The following ULK4 variants were observed in gnomAD, a reference collection of about 807,000 sequenced individuals.
ULK4 encodes the protein unc-51 like kinase 4.
Under a neutral mutation model 160.6 loss-of-function variants are expected in ULK4, and 133 were observed. The ratio of observed to expected loss-of-function variants is 0.83; its 90% CI spans 0.72 to 0.96. ULK4 has a LOEUF of 0.96. Among genes scored for constraint, ULK4 ranks in the 40% least tolerant of loss-of-function variants. ULK4 has a pLI of 0.00. For missense variants in ULK4, 1,580 were observed against 1,499.5 expected, an observed-to-expected ratio of 1.05 and a Z score of -0.89; for synonymous variants, 534 against 539.8, an observed-to-expected ratio of 0.99 and a Z score of 0.15.
intron 30 of ULK4, among the ~76,000 whole-genome samples, chr3:41,623,305 A>T (rs1011745891): frequency 6.6e-6 from 1 of 152,212 alleles, no homozygotes; most frequent in Admixed American, 6.5e-5. Flanking sequence ...TAACCAAAAA[A>T]GATCACAGTG....
At chr3:41,697,523 G>C (rs1253766569) in intron 27 of ULK4, among the ~76,000 whole-genome samples, 1 of 152,124 alleles carries the variant, frequency 6.6e-6, no homozygotes, top group Non-Finnish European at 1.5e-5. Context: ...CATTACAAAA[G>C]AGTCAAAAAG....
chr3:41,446,250 A>G (rs1197676007), intron 34 of ULK4, among the ~76,000 whole-genome samples: 3 of 152,174 alleles, frequency 2.0e-5, no homozygotes, highest in African/African-American at 7.2e-5. Flanking sequence ...GGATGTGGAG[A>G]AATAGGAACA....
intron 30 of ULK4, among the ~76,000 whole-genome samples, chr3:41,622,081 G>T (rs949680826): frequency 3.3e-5 from 5 of 152,156 alleles, no homozygotes; most frequent in Non-Finnish European, 7.3e-5. Flanking sequence ...AAGCCAGTTG[G>T]AATGGCAATT....
intron 17 of ULK4, among the ~76,000 whole-genome samples, chr3:41,880,128 T>A (rs1328632032): frequency 6.6e-6 from 1 of 152,026 alleles, no homozygotes; most frequent in Non-Finnish European, 1.5e-5. Context: ...ACAAAAAAAA[T>A]TCCTTTCAGT....
chr3:41,702,039 G>C (rs1167939434), intron 27 of ULK4, among the ~76,000 whole-genome samples: 1 of 152,102 alleles, frequency 6.6e-6, no homozygotes. Flanking sequence ...GAATATAGTA[G>C]AATGAAATCC....
At chr3:41,369,783 G>C (rs1467845836) in intron 35 of ULK4, among the ~76,000 whole-genome samples, 1 of 133,870 alleles carries the variant, frequency 7.5e-6, no homozygotes, top group African/African-American at 2.9e-5. Context: ...GACAGAGTGA[G>C]ACTATGTCTC....
At chr3:41,591,349 A>T (rs2031289484) in intron 31 of ULK4, among the ~76,000 whole-genome samples, 1 of 152,204 alleles carries the variant, frequency 6.6e-6, no homozygotes, top group African/African-American at 2.4e-5. Flanking sequence ...AGGGTAGGGA[A>T]AGTTTTTCAG....
intron 34 of ULK4, among the ~76,000 whole-genome samples, chr3:41,427,095 T>C (rs560407710): frequency 6.6e-6 from 1 of 152,028 alleles, no homozygotes; most frequent in East Asian, 1.9e-4. Flanking sequence ...CCACTGACCC[T>C]AAAGAAACAT....
chr3:41,909,758 T>C (rs1316436504), intron 11 of ULK4, among the ~76,000 whole-genome samples: 2 of 152,044 alleles, frequency 1.3e-5, no homozygotes, highest in Non-Finnish European at 2.9e-5. Flanking sequence ...ATGTGTAAAA[T>C]GTATATAGAT....
At position 41,839,067 on chromosome 3, in the gene ULK4, C is replaced by T. The variant is rs1033707358; in HGVS notation, c.1657-3096G>A. 5.8e-4 allele frequency among the ~76,000 whole-genome samples: 89 copies of T among 152,214 alleles called. 2 individuals are homozygous for T. Among genetic ancestry groups the T allele is most frequent in the Non-Finnish European group, 1.2e-4 (8 of 68,018 alleles). ...ACAATTGCTGAAAGAGTAGATTTTA[C>T]GGCCAGGCAAGGTGGCTCATTCCTG... On this transcript the variant is annotated intron_variant, in intron 17 of 36. Coordinates refer to ENST00000301831, the MANE Select transcript of ULK4 (RefSeq NM_017886.4).
intron 22 of ULK4, among the ~76,000 whole-genome samples, chr3:41,751,476 T>C (rs2038624831): frequency 6.6e-6 from 1 of 152,014 alleles, no homozygotes; most frequent in Non-Finnish European, 1.5e-5. Flanking sequence ...CTAAGGTCAC[T>C]TTCCAGACCC....
chr3:41,518,928 A>C (rs1427692630), intron 32 of ULK4, among the ~76,000 whole-genome samples: 1 of 152,212 alleles, frequency 6.6e-6, no homozygotes, highest in East Asian at 1.9e-4. Context: ...CATTACATTA[A>C]CTTCTCTGCT....
chr3:41,361,579 A>G (rs1221016350), intron 35 of ULK4, among the ~76,000 whole-genome samples: 1 of 152,166 alleles, frequency 6.6e-6, no homozygotes, highest in East Asian at 1.9e-4. Flanking sequence ...TCATTTGGAG[A>G]TTATTTTATA....
At chr3:41,821,542 T>C (rs1311236370) in intron 18 of ULK4, among the ~76,000 whole-genome samples, 3 of 152,220 alleles carry the variant, frequency 2.0e-5, no homozygotes, top group African/African-American at 7.2e-5. Flanking sequence ...CCTCCATTCC[T>C]GTCCCTCCAC....
rs574385056 is a variant in ULK4, at chr3:41,693,438, G to C, written c.2781+11619C>G. 1.4e-4 allele frequency among the ~76,000 whole-genome samples: 21 copies of C among 152,234 alleles called. No individual in the cohort carries two copies. In the South Asian group the frequency reaches 3.7e-3, roughly 27 times the overall value. ...TTACAAATATTAGCAACTACCTAGT[G>C]GGCCAAACATTGGTGGAATACTAAA... On this transcript the variant is annotated intron_variant, in intron 27 of 36. Transcript: ENST00000301831.
chr3:41,435,165 A>C (rs533029787), intron 34 of ULK4, among the ~76,000 whole-genome samples: 1 of 152,240 alleles, frequency 6.6e-6, no homozygotes, highest in African/African-American at 2.4e-5. Flanking sequence ...CAATTTATAC[A>C]TAAGTTTACT....
intron 34 of ULK4, among the ~76,000 whole-genome samples, chr3:41,446,882 G>T (rs1166758750): frequency 6.7e-6 from 1 of 150,062 alleles, no homozygotes; most frequent in Non-Finnish European, 1.5e-5. Context: ...CATAATAAAA[G>T]AATAGAAATA....
rs554055274 is a variant in ULK4, at chr3:41,921,872, G to A, written c.542-2054C>T. Reference sequence around the variant, plus strand: ...AGTCTTTCTCAACAAAGTTGGAGCCGGCCAGATGCGGTGGCTAACACCTGT... The same window carrying A: ...AGTCTTTCTCAACAAAGTTGGAGCCAGCCAGATGCGGTGGCTAACACCTGT... On this transcript the variant is annotated intron_variant, in intron 5 of 36. Transcript: ENST00000301831. 1.1e-4 allele frequency among the ~76,000 whole-genome samples: 17 copies of A among 152,226 alleles called. No individual in the cohort carries two copies. The East Asian group carries it at 1.5e-3, about 14-fold the overall frequency.
At chr3:41,661,315 C>T (rs2035148123) in intron 30 of ULK4, among the ~76,000 whole-genome samples, 2 of 151,984 alleles carry the variant, frequency 1.3e-5, no homozygotes, top group African/African-American at 4.8e-5. Flanking sequence ...AAGCAAACTT[C>T]ATAGATACAG....
Sources: gnomAD v4.1 joint callset for allele counts (sites outside exome capture counted in the v4.1 genomes callset) on GRCh38, gnomAD v4.1.1 for gene constraint, MANE v1.5 for transcripts, NCBI Gene and HGNC (gene_info 2026-07-23, HGNC 2026-07-21) for gene names.